Variants in MYBL2 observed in about 807,000 individuals in gnomAD.
The protein encoded by MYBL2 is myb-related protein B.
A neutral mutation model predicts 79.9 loss-of-function variants in MYBL2; 28 were observed. The observed-to-expected ratio is 0.35, with a 90% CI of 0.26 to 0.48. The LOEUF (loss-of-function observed/expected upper bound fraction) is 0.48, where lower values mean the gene tolerates loss of function less well. Ranked by LOEUF, MYBL2 falls within the 20% of genes least tolerant of loss-of-function variation. MYBL2 has a pLI of 0.99. For synonymous variants in MYBL2, 378 were observed against 361.2 expected (o/e 1.05, Z -0.53); for missense variants, 735 against 893.9 (o/e 0.82, Z 2.27).
At position 43,683,491 on chromosome 20, in the gene MYBL2, A is replaced by T. The variant is rs1444902673; in HGVS notation, c.279+605A>T. 2.7e-5 allele frequency among the ~76,000 whole-genome samples: 4 copies of T among 150,102 alleles called. No individual in the cohort carries two copies. In the South Asian group the frequency reaches 6.5e-4, roughly 24 times the overall value. ...CTTCTCCTCGATACCAGCCCAGAGG[A>T]TGCCATTCCACTGAGGCAGGCATGG... On this transcript the variant is annotated intron_variant, in intron 4 of 13. Transcript: ENST00000217026.
rs138968603 is a variant in MYBL2, at chr20:43,699,784, G to A, written c.691G>A (p.Val231Ile). 2.5e-6 allele frequency: 4 copies of A among 1,614,048 alleles called. No individual in the cohort carries two copies. Among genetic ancestry groups the A allele is most frequent in the Middle Eastern group, 1.7e-4 (1 of 6,038 alleles). ...AAGTCTTCTGACCAACTGGCCCTCC[G>A]TCCCTCCTACCATAAAGGAGGAGGA... The part of the protein sequence containing the change: ...QGSLLTNWPS[V>I]PPTIKEEENS... Residue 231 changes from valine to isoleucine, a missense_variant, in exon 7 of 14, where the codon GTC becomes ATC. Val to Ile is a conservative substitution (Grantham distance 29). Coordinates refer to ENST00000217026, the MANE Select transcript of MYBL2 (RefSeq NM_002466.4).
At chr20:43,701,964 G>A (rs944461708) in intron 7 of MYBL2, among the ~76,000 whole-genome samples, 4 of 152,104 alleles carry the variant, frequency 2.6e-5, no homozygotes, top group Non-Finnish European at 5.9e-5. Context: ...TCAGGAGTTC[G>A]AGACCAGCCT....
chr20:43,700,445 C>T (rs1389683983), intron 7 of MYBL2, among the ~76,000 whole-genome samples: 2 of 152,140 alleles, frequency 1.3e-5, no homozygotes, highest in African/African-American at 2.4e-5. Flanking sequence ...AGTCTTGGTG[C>T]TGGTCTTGGA....
At chr20:43,681,945 G>A (rs781385593) in intron 3 of MYBL2, 90 bp downstream of exon 3, 7 of 1,373,116 alleles carry the variant, frequency 5.1e-6, no homozygotes, top group Admixed American at 3.8e-5. Flanking sequence ...GAGGGGAAAA[G>A]GGAGTTCCTT....
intron 6 of MYBL2, among the ~76,000 whole-genome samples, chr20:43,695,000 C>T (rs1212150214): frequency 6.6e-6 from 1 of 151,790 alleles, no homozygotes; most frequent in Non-Finnish European, 1.5e-5. Context: ...TGGGCTGGGA[C>T]CAAGCCCCAG....
In MYBL2 at chr20:43,711,529, G is replaced by C. The variant is rs1420204633; in HGVS notation, c.1647G>C (p.Leu549=). The change falls in exon 11 of 14, where the codon CTG becomes CTC. Residue 549 remains leucine, a synonymous_variant. Coordinates refer to ENST00000217026, the MANE Select transcript of MYBL2 (RefSeq NM_002466.4). ...PHLEEDLKEV[L]RSEAGIELII... The stretch of plus-strand genomic sequence containing the variant: ...TGGAGGAGGACTTGAAGGAGGTGCT[G>C]CGTTCTGAGGCTGGCATCGAACTCA... The C allele has an allele frequency of 6.2e-7, 1 of 1,613,724 alleles. No individual in the cohort carries two copies. Among genetic ancestry groups the C allele is most frequent in the African/African-American group, 1.3e-5 (1 of 74,918 alleles).
intron 6 of MYBL2, among the ~76,000 whole-genome samples, chr20:43,696,149 T>A (rs572869055): frequency 6.6e-6 from 1 of 152,366 alleles, no homozygotes; most frequent in Non-Finnish European, 1.5e-5. Flanking sequence ...TATAAAATTG[T>A]TTCCTCTGCT....
intron 7 of MYBL2, among the ~76,000 whole-genome samples, chr20:43,701,083 G>A (rs952445000): frequency 6.6e-6 from 1 of 152,184 alleles, no homozygotes; most frequent in Admixed American, 6.5e-5. Flanking sequence ...AGCACCCCAC[G>A]CTCAGAGAGG....
intron 9 of MYBL2, among the ~76,000 whole-genome samples, chr20:43,709,256 T>C (rs1398475282): frequency 6.6e-6 from 1 of 152,154 alleles, no homozygotes; most frequent in Non-Finnish European, 1.5e-5. Context: ...GGGTTCGTGT[T>C]TGTGGAACCT....
chr20:43,703,189 C>T (rs1296955878), intron 8 of MYBL2, among the ~76,000 whole-genome samples: 3 of 152,120 alleles, frequency 2.0e-5, no homozygotes, highest in African/African-American at 2.4e-5. Context: ...AGAGAACTGT[C>T]GTGTTTGTTC....
At chr20:43,684,298 C>T (rs1210682604) in intron 4 of MYBL2, among the ~76,000 whole-genome samples, 1 of 151,014 alleles carries the variant, frequency 6.6e-6, no homozygotes, top group Non-Finnish European at 1.5e-5. Flanking sequence ...AGTGCAATGG[C>T]GTGATCTTGG....
chr20:43,711,023 T>C (rs192119202), intron 10 of MYBL2, among the ~76,000 whole-genome samples: 136 of 152,306 alleles, frequency 8.9e-4, no homozygotes, highest in African/African-American at 3.2e-3. Flanking sequence ...CCCTGTTCTC[T>C]GTTGCCTGAA....
chr20:43,713,016 C>G lies in MYBL2; in HGVS notation c.1734C>G (p.Pro578=). The G allele has an allele frequency of 6.2e-7, 1 of 1,611,878 alleles. No homozygotes were observed. Among genetic ancestry groups the G allele is most frequent in the Non-Finnish European group, 8.5e-7 (1 of 1,178,990 alleles). The change falls in exon 12 of 14, where the codon CCC becomes CCG. Residue 578 remains proline, a synonymous_variant. Transcript: ENST00000217026. The part of the protein sequence containing the change: ...QKRKPGLRRS[P]IKKVRKSLAL... ...CCAACCCCTAGCTGCGGCGGAGCCC[C>G]ATCAAGAAAGTCCGGAAGTCTCTGG... is the stretch of plus-strand genomic sequence containing the variant.
rs773487064 is a variant in MYBL2 at position 43,682,772 on chromosome 20, T to C, written c.187-22T>C. Reference sequence around the variant, plus strand: ...TCCCAGAAGTTCTCACAGATTGGTTTGTTCTTCTGTTCTTTTCCCAGAACC... The same window carrying C: ...TCCCAGAAGTTCTCACAGATTGGTTCGTTCTTCTGTTCTTTTCCCAGAACC... On this transcript the variant is annotated intron_variant, in intron 3 of 13. Transcript: ENST00000217026. 3.7e-6 allele frequency: 6 copies of C among 1,612,500 alleles called. No individual in the cohort carries two copies. The South Asian group carries it at 5.5e-5, about 15-fold the overall frequency.
intron 5 of MYBL2, 80 bp downstream of exon 5, chr20:43,687,152 G>A (rs1056255180): frequency 1.1e-5 from 15 of 1,420,498 alleles, no homozygotes; most frequent in Non-Finnish European, 1.4e-5. Flanking sequence ...TTCCTGGGTG[G>A]GTATTGTGGT....
intron 12 of MYBL2, among the ~76,000 whole-genome samples, 176 bp downstream of exon 12, chr20:43,713,282 C>T (rs990624955): frequency 1.3e-5 from 2 of 152,234 alleles, no homozygotes; most frequent in South Asian, 4.1e-4. Flanking sequence ...GCTTGTCTCT[C>T]ACAGAAGGTT....
chr20:43,678,111 C>G (rs1032824741), intron 2 of MYBL2, among the ~76,000 whole-genome samples: 7 of 152,034 alleles, frequency 4.6e-5, no homozygotes, highest in African/African-American at 9.7e-5. Context: ...GCAGCATGCT[C>G]GTTAAGAGTC....
chr20:43,675,588 C>T (rs1438526871), intron 2 of MYBL2, among the ~76,000 whole-genome samples: 1 of 152,198 alleles, frequency 6.6e-6, no homozygotes, highest in Non-Finnish European at 1.5e-5. Flanking sequence ...GCTGGGATTA[C>T]AGGCATGAGC....
At chr20:43,705,595 T>G (rs1349654679) in intron 9 of MYBL2, among the ~76,000 whole-genome samples, 3 of 152,320 alleles carry the variant, frequency 2.0e-5, no homozygotes, top group Middle Eastern at 3.4e-3. Context: ...AGTTTCCTTT[T>G]TTGTGATCCT....
Sources: allele counts gnomAD v4.1 joint callset (sites outside exome capture counted in the v4.1 genomes callset), GRCh38; gene constraint gnomAD v4.1.1; transcripts MANE v1.5; gene names NCBI Gene and HGNC (gene_info 2026-07-23, HGNC 2026-07-21).